The following CNTNAP2 variants were observed in gnomAD, a reference collection of about 807,000 sequenced individuals.
CNTNAP2 encodes contactin associated protein 2, also known as contactin-associated protein-like 2.
In CNTNAP2, 98 loss-of-function variants were observed where a neutral mutation model predicts 155.2. The observed-to-expected ratio is 0.63, with a 90% CI of 0.54 to 0.75. The LOEUF is 0.75. CNTNAP2 is among the 30% of genes least tolerant of loss of function. CNTNAP2 has a pLI of 0.00. For synonymous variants in CNTNAP2, 651 were observed against 631.2 expected (o/e 1.03, Z -0.47); for missense variants, 1,727 against 1,688.1 (o/e 1.02, Z -0.40).
At chr7:146,970,556 A>G (rs973575074) in intron 3 of CNTNAP2, among the ~76,000 whole-genome samples, 1 of 152,182 alleles carries the variant, frequency 6.6e-6, no homozygotes, top group Non-Finnish European at 1.5e-5. Flanking sequence ...AAAAGTCAGG[A>G]AACAACAGGT....
intron 21 of CNTNAP2, among the ~76,000 whole-genome samples, chr7:148,278,769 A>G (rs1796923781): frequency 6.6e-6 from 1 of 152,222 alleles, no homozygotes; most frequent in Non-Finnish European, 1.5e-5. Flanking sequence ...AAATGTTAGC[A>G]ATAAGTGCTA....
intron 8 of CNTNAP2, among the ~76,000 whole-genome samples, chr7:147,177,429 G>A (rs1017957077): frequency 1.3e-5 from 2 of 152,000 alleles, no homozygotes; most frequent in African/African-American, 2.4e-5. Context: ...GGTGCCTTCC[G>A]CCGTGATTCT....
intron 9 of CNTNAP2, among the ~76,000 whole-genome samples, chr7:147,342,090 C>T (rs1320251420): frequency 6.6e-6 from 1 of 152,074 alleles, no homozygotes; most frequent in African/African-American, 2.4e-5. Flanking sequence ...CTGAGAGAGA[C>T]TGGAAGCTTG....
rs533410361 is a variant in CNTNAP2 at position 146,464,128 on chromosome 7, G to A, written c.98-310143G>A. On this transcript the variant is annotated intron_variant, in intron 1 of 23. Coordinates refer to ENST00000361727, the MANE Select transcript of CNTNAP2 (RefSeq NM_014141.6). ...ATTTTTTGACCACAAAAAACAGTTC[G>A]TTAATGAACCATCTCAACAGAATAC... Among the ~76,000 whole-genome samples, 3 of 147,142 alleles carry A rather than the reference G, an allele frequency of 2.0e-5. No homozygotes were observed. In the South Asian group the frequency reaches 6.6e-4, roughly 32 times the overall value.
intron 3 of CNTNAP2, among the ~76,000 whole-genome samples, chr7:146,946,403 A>C (rs1797174569): frequency 6.6e-6 from 1 of 152,202 alleles, no homozygotes; most frequent in Non-Finnish European, 1.5e-5. Context: ...TTAGGTATTT[A>C]TAGTTATAGG....
intron 10 of CNTNAP2, among the ~76,000 whole-genome samples, chr7:147,428,578 G>A (rs751056298): frequency 6.6e-5 from 10 of 152,114 alleles, no homozygotes; most frequent in Non-Finnish European, 1.3e-4. Flanking sequence ...TTATTATTCA[G>A]TTTGTTCTAC....
At chr7:146,826,516 C>T (rs548046531) in intron 2 of CNTNAP2, among the ~76,000 whole-genome samples, 8 of 152,200 alleles carry the variant, frequency 5.3e-5, no homozygotes, top group African/African-American at 1.9e-4. Context: ...CATTCTTATT[C>T]CCAGCTCATC....
chr7:146,478,451 G>A (rs1160407672), intron 1 of CNTNAP2, among the ~76,000 whole-genome samples: 1 of 151,964 alleles, frequency 6.6e-6, no homozygotes, highest in Admixed American at 6.6e-5. Flanking sequence ...TCCAAGCGGG[G>A]CCTCTTTGAT....
rs1202246648 is a variant in CNTNAP2, at chr7:147,775,336, TAA to T, written c.2099-128227_2099-128226del. Among the ~76,000 whole-genome samples, 62 of 50,200 alleles carry T rather than the reference TAA, an allele frequency of 1.2e-3. 2 individuals are homozygous for T. Among genetic ancestry groups the T allele is most frequent in the South Asian group, 3.3e-3 (6 of 1,832 alleles). The allele number at this position is 50,200 out of a possible 152,430, so 32.9% of individuals were successfully genotyped here. ...ATATATATATATTTATATATATTTA[TAA>T]ATATATATATTTATATATATTTATA... On this transcript the variant is annotated intron_variant, in intron 13 of 23. Coordinates refer to ENST00000361727, the MANE Select transcript of CNTNAP2 (RefSeq NM_014141.6).
rs187768924 is a variant in CNTNAP2 at position 148,150,060 on chromosome 7, G to A, written c.2773+2351G>A. Among the ~76,000 whole-genome samples the A allele has an allele frequency of 3.4e-3, 492 of 142,766 alleles. 8 individuals are homozygous for A. The highest frequency in any genetic ancestry group is 4.0e-3 in the East Asian group (19 of 4,716). 93.7% of individuals were successfully genotyped at this position (142,766 alleles called of 152,430 possible). On this transcript the variant is annotated intron_variant, in intron 17 of 23. Coordinates refer to ENST00000361727, the MANE Select transcript of CNTNAP2 (RefSeq NM_014141.6). Reference sequence around the variant, plus strand: ...TTAGCCAATTTGTGAAATATTGTTCGGCAATAGAAGTCTACCTCAGGTGAA... The same window carrying A: ...TTAGCCAATTTGTGAAATATTGTTCAGCAATAGAAGTCTACCTCAGGTGAA...
intron 15 of CNTNAP2, among the ~76,000 whole-genome samples, chr7:148,088,719 A>G (rs1489311600): frequency 6.6e-6 from 1 of 152,024 alleles, no homozygotes; most frequent in African/African-American, 2.4e-5. Flanking sequence ...TTACTGCTGA[A>G]TTCTACCAAA....
At chr7:148,031,271 G>A (rs1802471734) in intron 15 of CNTNAP2, among the ~76,000 whole-genome samples, 1 of 152,134 alleles carries the variant, frequency 6.6e-6, no homozygotes, top group Non-Finnish European at 1.5e-5. Flanking sequence ...CTCTCAAAGG[G>A]CAGAGTAAGA....
intron 18 of CNTNAP2, among the ~76,000 whole-genome samples, chr7:148,178,082 T>C (rs1794979006): frequency 6.6e-6 from 1 of 152,140 alleles, no homozygotes; most frequent in Non-Finnish European, 1.5e-5. Context: ...GAATATATGA[T>C]AGGAATACAT....
intron 1 of CNTNAP2, among the ~76,000 whole-genome samples, chr7:146,603,510 C>T (rs938741423): frequency 6.7e-5 from 10 of 149,824 alleles, no homozygotes; most frequent in Non-Finnish European, 1.0e-4. Context: ...AGGTAATTTA[C>T]AGATTCAATG....
At chr7:146,240,441 A>T (rs802557) in intron 1 of CNTNAP2, among the ~76,000 whole-genome samples, 24,827 of 151,998 alleles carry the variant, frequency 0.16, 2,476 homozygotes, top group African/African-American at 0.28. Context: ...GAGAAGAAGC[A>T]TTCCTCTAAT....
At chr7:147,863,888 T>G (rs1025184806) in intron 13 of CNTNAP2, among the ~76,000 whole-genome samples, 17 of 152,228 alleles carry the variant, frequency 1.1e-4, no homozygotes, top group African/African-American at 4.1e-4. Flanking sequence ...GCCTGTTCAC[T>G]CCAATGATAG....
At chr7:147,130,706 G>T (rs1241871625) in intron 7 of CNTNAP2, among the ~76,000 whole-genome samples, 4 of 152,010 alleles carry the variant, frequency 2.6e-5, no homozygotes, top group Non-Finnish European at 2.9e-5. Flanking sequence ...GTATTTCAGT[G>T]AAATTGACTG....
At chr7:146,334,588 AT>A (rs11323315) in intron 1 of CNTNAP2, among the ~76,000 whole-genome samples, 141,471 of 151,404 alleles carry the variant, frequency 0.93, 66,198 homozygotes, top group East Asian at 1. Flanking sequence ...TATGCATGCC[AT>A]TTTTTTTTTC....
At chr7:147,055,616 C>A (rs1319230747) in intron 4 of CNTNAP2, among the ~76,000 whole-genome samples, 1 of 152,168 alleles carries the variant, frequency 6.6e-6, no homozygotes, top group African/African-American at 2.4e-5. Context: ...AGAAAGGCAT[C>A]TCAAGTCTCG....
Sources: gnomAD v4.1 joint callset for allele counts (sites outside exome capture counted in the v4.1 genomes callset) on GRCh38, gnomAD v4.1.1 for gene constraint, MANE v1.5 for transcripts, NCBI Gene and HGNC (gene_info 2026-07-23, HGNC 2026-07-21) for gene names.